The following AKAIN1 variants were observed in gnomAD, a reference collection of about 807,000 sequenced individuals.
The protein encoded by AKAIN1 is A-kinase anchor inhibitor 1.
A neutral mutation model predicts 3.7 loss-of-function variants in AKAIN1; 3 were observed. That is an observed-to-expected ratio of 0.82 (90% confidence interval 0.37 to 2.12). The LOEUF (loss-of-function observed/expected upper bound fraction) is 2.12, where lower values mean the gene tolerates loss of function less well. Ranked by LOEUF, AKAIN1 falls within the 30% of genes most tolerant of loss-of-function variation. AKAIN1 has a pLI of 0.06. For missense variants in AKAIN1, 82 were observed against 82.7 expected, an observed-to-expected ratio of 0.99 and a Z score of 0.03; for synonymous variants, 31 against 30.8, an observed-to-expected ratio of 1.01 and a Z score of -0.02.
intron 1 of AKAIN1, among the ~76,000 whole-genome samples, chr18:5,150,449 A>G (rs1188498824): frequency 6.6e-6 from 1 of 152,196 alleles, no homozygotes. Flanking sequence ...TTACAACATC[A>G]TTTTCATGTT....
chr18:5,181,672 G>T (rs1464159889), intron 1 of AKAIN1, among the ~76,000 whole-genome samples: 2 of 152,096 alleles, frequency 1.3e-5, no homozygotes, highest in African/African-American at 2.4e-5. Context: ...CTAACTCAAA[G>T]TCACATAGCA....
At chr18:5,186,937 G>T (rs1205413400) in intron 1 of AKAIN1, among the ~76,000 whole-genome samples, 10 of 152,088 alleles carry the variant, frequency 6.6e-5, no homozygotes, top group Non-Finnish European at 1.3e-4. Context: ...ACTTCTAAAT[G>T]ATCCATGGGA....
chr18:5,197,495 T>C (rs761313674), upstream of AKAIN1: 2 of 462,414 alleles, frequency 4.3e-6, no homozygotes, highest in Non-Finnish European at 2.7e-6. The surrounding 1 kb of genome is among the most constrained non-coding windows in gnomAD (Gnocchi z 6.9). Context: ...ACATTTAAGA[T>C]AGATTTGTCA....
At chr18:5,175,197 C>T (rs1378593587) in intron 1 of AKAIN1, among the ~76,000 whole-genome samples, 1 of 152,110 alleles carries the variant, frequency 6.6e-6, no homozygotes, top group Non-Finnish European at 1.5e-5. Context: ...CTCCTTGCCT[C>T]CCCATTTGTA....
At chr18:5,146,578 C>T (rs1011406059) in intron 1 of AKAIN1, among the ~76,000 whole-genome samples, 11 of 152,192 alleles carry the variant, frequency 7.2e-5, no homozygotes, top group African/African-American at 9.7e-5. Flanking sequence ...AATAGGATCA[C>T]AACCAGTGAA....
At chr18:5,156,208 C>G (rs966348515) in intron 1 of AKAIN1, among the ~76,000 whole-genome samples, 2 of 151,980 alleles carry the variant, frequency 1.3e-5, no homozygotes, top group Non-Finnish European at 2.9e-5. Context: ...AGGGAGGGAA[C>G]CAATATGAGC....
intron 1 of AKAIN1, among the ~76,000 whole-genome samples, chr18:5,172,898 C>G (rs2071205718): frequency 1.3e-5 from 2 of 152,004 alleles, no homozygotes; most frequent in African/African-American, 4.8e-5. Flanking sequence ...AAATTACACA[C>G]CTTTTGTTTT....
In AKAIN1 at chr18:5,142,999, G is replaced by A. The variant is rs1033934268; in HGVS notation, c.*2563C>T. Among the ~76,000 whole-genome samples the A allele has an allele frequency of 1.3e-5, 2 of 152,152 alleles. No homozygotes were observed. The highest frequency in any genetic ancestry group is 1.3e-4 in the Admixed American group (2 of 15,276). On this transcript the variant is annotated 3_prime_UTR_variant, in exon 2 of 2. Coordinates refer to ENST00000434239, the MANE Select transcript of AKAIN1 (RefSeq NM_001145194.2). Reference sequence around the variant, plus strand: ...ATTTCTTTCTTTAGATCCACCCTAGGGGCAGGCAACAGAGAAGACGAACAG... The same window carrying A: ...ATTTCTTTCTTTAGATCCACCCTAGAGGCAGGCAACAGAGAAGACGAACAG...
At chr18:5,165,986 T>G (rs1365189631) in intron 1 of AKAIN1, among the ~76,000 whole-genome samples, 1 of 152,036 alleles carries the variant, frequency 6.6e-6, no homozygotes, top group East Asian at 1.9e-4. Context: ...TCAAGCTTCC[T>G]TTTCTAGGAA....
Position 5,145,472 on chromosome 18 carries a change from G to A in AKAIN1, c.*90C>T. 3 of 1,092,444 alleles carry A rather than the reference G, an allele frequency of 2.7e-6. No homozygotes were observed. The highest frequency in any genetic ancestry group is 2.6e-5 in the East Asian group (1 of 38,312). 67.7% of individuals were successfully genotyped at this position (1,092,444 alleles called of 1,614,324 possible). ...ACAGCTAGGTGCCGGTGACACTTCG[G>A]TTTGCTTTACTGGCAACATTTTGGA... On this transcript the variant is annotated 3_prime_UTR_variant, in exon 2 of 2. Coordinates refer to ENST00000434239, the MANE Select transcript of AKAIN1 (RefSeq NM_001145194.2).
At chr18:5,169,668 C>A (rs528171676) in intron 1 of AKAIN1, among the ~76,000 whole-genome samples, 1 of 152,242 alleles carries the variant, frequency 6.6e-6, no homozygotes, top group Non-Finnish European at 1.5e-5. Flanking sequence ...TCTGAGGTCT[C>A]TCTTAGTTTA....
intron 1 of AKAIN1, among the ~76,000 whole-genome samples, chr18:5,176,061 C>G (rs1360425325): frequency 6.6e-6 from 1 of 152,042 alleles, no homozygotes; most frequent in Non-Finnish European, 1.5e-5. Flanking sequence ...TGCCAAATGT[C>G]CCCTGGAGAA....
intron 1 of AKAIN1, among the ~76,000 whole-genome samples, chr18:5,192,373 A>G (rs1031834904): frequency 1.4e-5 from 2 of 144,466 alleles, no homozygotes; most frequent in African/African-American, 5.3e-5. Flanking sequence ...ATGTGCAACC[A>G]CACAGAGCTA....
chr18:5,195,131 A>C (rs1389568383), intron 1 of AKAIN1, among the ~76,000 whole-genome samples: 1 of 136,638 alleles, frequency 7.3e-6, no homozygotes, highest in East Asian at 2.2e-4. Context: ...AGAGAACCCC[A>C]AAATTGAAGA....
At chr18:5,175,165 A>G (rs2071219081) in intron 1 of AKAIN1, among the ~76,000 whole-genome samples, 1 of 152,156 alleles carries the variant, frequency 6.6e-6, no homozygotes, top group African/African-American at 2.4e-5. Context: ...ACCTGCAGAG[A>G]GGAGATGTGT....
intron 1 of AKAIN1, among the ~76,000 whole-genome samples, chr18:5,183,152 A>G (rs2071268219): frequency 6.6e-6 from 1 of 152,094 alleles, no homozygotes; most frequent in African/African-American, 2.4e-5. Flanking sequence ...AATATAAATA[A>G]TGGCACCTTT....
At chr18:5,170,561 CTT>C (rs2071191746) in intron 1 of AKAIN1, 1 of 152,122 alleles carries the variant, frequency 6.6e-6, no homozygotes. Context: ...CAATAGCACA[CTT>C]ATATTTTATG....
intron 1 of AKAIN1, among the ~76,000 whole-genome samples, chr18:5,185,970 T>C (rs1175269381): frequency 2.6e-5 from 4 of 152,066 alleles, no homozygotes; most frequent in South Asian, 2.1e-4. Context: ...AAATGTGGTA[T>C]ATATACACCA....
At chr18:5,166,708 T>C (rs1048579728) in intron 1 of AKAIN1, among the ~76,000 whole-genome samples, 2 of 152,096 alleles carry the variant, frequency 1.3e-5, no homozygotes, top group African/African-American at 4.8e-5. Flanking sequence ...CATTACTCAA[T>C]AAGGCATTTG....
Sources: allele counts gnomAD v4.1 joint callset (sites outside exome capture counted in the v4.1 genomes callset), GRCh38; gene constraint gnomAD v4.1.1; non-coding constraint Gnocchi (gnomAD v3.1); transcripts MANE v1.5; gene names NCBI Gene and HGNC (gene_info 2026-07-23, HGNC 2026-07-21).